The following KSR1 variants were observed in gnomAD, a reference collection of about 807,000 sequenced individuals.
KSR1 encodes the protein kinase suppressor of ras 1, also known as kinase suppressor of ras.
A neutral mutation model predicts 92.9 loss-of-function variants in KSR1; 35 were observed. The ratio of observed to expected loss-of-function variants is 0.38; its 90% CI spans 0.29 to 0.50. KSR1 has a LOEUF of 0.50. KSR1 is among the 20% of genes least tolerant of loss of function. KSR1 has a pLI of 0.94. For synonymous variants in KSR1, 467 were observed against 472.6 expected, an observed-to-expected ratio of 0.99 and a Z score of 0.15; for missense variants, 972 against 1,158.5, an observed-to-expected ratio of 0.84 and a Z score of 2.34.
intron 5 of KSR1, among the ~76,000 whole-genome samples, chr17:27,586,558 C>T (rs1001561091): frequency 5.9e-5 from 9 of 152,142 alleles, no homozygotes; most frequent in African/African-American, 2.2e-4. Context: ...AGTGCCCGGG[C>T]AGAAACTCCC....
chr17:27,553,519 G>A (rs569914076), intron 2 of KSR1, among the ~76,000 whole-genome samples: 1 of 152,218 alleles, frequency 6.6e-6, no homozygotes, highest in African/African-American at 2.4e-5. Flanking sequence ...TCACCAGCAG[G>A]GCCAGGAGGA....
chr17:27,564,102 TCTCAGCCTC>T (rs1242312474), intron 2 of KSR1, among the ~76,000 whole-genome samples: 1 of 150,534 alleles, frequency 6.6e-6, no homozygotes, highest in East Asian at 2.0e-4. Flanking sequence ...TATTCTCCTG[TCTCAGCCTC>T]CCAAGTAGCT....
intron 7 of KSR1, 69 bp from the exon 8 acceptor site, chr17:27,592,292 A>C: frequency 2.9e-5 from 37 of 1,257,854 alleles, no homozygotes; most frequent in Non-Finnish European, 3.7e-5. Context: ...AATGCTACAC[A>C]GAGCTACCCC....
intron 1 of KSR1, among the ~76,000 whole-genome samples, chr17:27,504,104 G>A (rs1032627314): frequency 6.6e-6 from 1 of 152,196 alleles, no homozygotes; most frequent in Non-Finnish European, 1.5e-5. Flanking sequence ...TTGGCCCCGT[G>A]GGAAGTATAG....
intron 1 of KSR1, among the ~76,000 whole-genome samples, chr17:27,479,254 C>G (rs1391428625): frequency 6.6e-6 from 1 of 151,692 alleles, no homozygotes; most frequent in Non-Finnish European, 1.5e-5. Flanking sequence ...CTGTGCTCCT[C>G]TCTCCCTCCA....
chr17:27,557,894 T>A (rs1377625154), intron 2 of KSR1, among the ~76,000 whole-genome samples: 1 of 152,208 alleles, frequency 6.6e-6, no homozygotes, highest in African/African-American at 2.4e-5. Flanking sequence ...CTGGCTCCTA[T>A]GTAATGTTTG....
intron 18 of KSR1, among the ~76,000 whole-genome samples, chr17:27,614,916 A>G (rs368263495): frequency 3.9e-5 from 6 of 152,186 alleles, no homozygotes; most frequent in African/African-American, 1.4e-4. Context: ...CAATAAAATT[A>G]TTTTCTGTCA....
chr17:27,620,876 C>T (rs1050222089), intron 19 of KSR1, among the ~76,000 whole-genome samples: 6 of 152,208 alleles, frequency 3.9e-5, no homozygotes, highest in Admixed American at 1.3e-4. Context: ...AACTGAGTCA[C>T]AGATGGGGCT....
Position 27,605,768 on chromosome 17 carries a change from TC to T in KSR1, c.1950del (p.Phe650LeufsTer6), listed in dbSNP as rs1377284732. ...RQTRHENVVL[F>X]MGACMNPPHL... ...ACGCGGCATGAGAACGTGGTGCTCT[TC>T]ATGGGGGCCTGCATGAACCCGCCCC... On this transcript the variant is annotated frameshift_variant, in exon 14 of 21. Coordinates refer to ENST00000644974, the MANE Select transcript of KSR1 (RefSeq NM_001394583.1). LOFTEE classifies it high-confidence loss of function. 1 of 1,612,612 alleles carries T rather than the reference TC, an allele frequency of 6.2e-7. No individual in the cohort carries two copies. The highest frequency in any genetic ancestry group is 1.3e-5 in the African/African-American group (1 of 74,922).
intron 1 of KSR1, among the ~76,000 whole-genome samples, chr17:27,502,536 T>C (rs925673264): frequency 9.2e-5 from 14 of 152,208 alleles, no homozygotes; most frequent in Admixed American, 1.3e-4. Context: ...TAGCCCTTGG[T>C]GAAAAGGCAG....
In KSR1 at chr17:27,597,403, C is replaced by G. The variant is rs760722438; in HGVS notation, c.1435C>G (p.Pro479Ala). The G allele has an allele frequency of 1.2e-5, 20 of 1,612,020 alleles. No individual in the cohort carries two copies. The East Asian group carries it at 3.8e-4, about 31-fold the overall frequency. Residue 479 changes from proline (P) to alanine (A), a missense_variant, in exon 10 of 21, where the codon CCT becomes GCT. Around this residue, in one of 5 missense-constraint regions of KSR1, gnomAD observed 611 missense variants for 668.0 expected, o/e 0.91. Transcript: ENST00000644974. The part of the protein sequence containing the change: ...SSATTPPNPS[P>A]GQRDSRFNFP... ...CGCCACCACGCCCCCCAACCCCTCA[C>G]CTGGCCAGCGGGACAGCAGGTTCAA...
At chr17:27,621,958 A>G in intron 20 of KSR1, 1 of 1,612,668 alleles carries the variant, frequency 6.2e-7, no homozygotes, top group Non-Finnish European at 8.5e-7. Context: ...TGCATGCACC[A>G]GGGGCTTTCT....
intron 13 of KSR1, 73 bp downstream of exon 13, chr17:27,604,801 G>A: frequency 3.4e-6 from 5 of 1,486,356 alleles, no homozygotes; most frequent in Non-Finnish European, 4.7e-6. Context: ...AATGCGCAGG[G>A]GGCTTGAGGG....
At chr17:27,497,683 G>A (rs987037940) in intron 1 of KSR1, among the ~76,000 whole-genome samples, 1 of 152,210 alleles carries the variant, frequency 6.6e-6, no homozygotes, top group African/African-American at 2.4e-5. Flanking sequence ...CAATGAGATA[G>A]TTTCTTTTTT....
At chr17:27,522,312 T>C (rs940015) in intron 1 of KSR1, among the ~76,000 whole-genome samples, 142,237 of 152,274 alleles carry the variant, frequency 0.93, 66,541 homozygotes, top group East Asian at 1. Flanking sequence ...ACTGGCTTAC[T>C]TGAAACTAAA....
In KSR1 at chr17:27,603,880, C is replaced by T. The variant is rs377669034; in HGVS notation, c.1557C>T (p.Asp519=). Residue 519 remains aspartate, a synonymous_variant, in exon 12 of 21, where the codon GAC becomes GAT. Transcript: ENST00000644974. ...CAGCCCCGCTCCCTGAAGCTGCCGA[C>T]GGTACCCGGTAGGCATCCCTAGGTG... ...AHAAPLPEAA[D]GTRLDDQPKA... The T allele has an allele frequency of 6.8e-6, 11 of 1,613,816 alleles. No individual in the cohort carries two copies. Among genetic ancestry groups the T allele is most frequent in the Admixed American group, 5.0e-5 (3 of 59,992 alleles).
chr17:27,607,861 G>C, intron 14 of KSR1, 53 bp from the exon 15 acceptor site: 1 of 1,364,618 alleles, frequency 7.3e-7, no homozygotes, highest in Non-Finnish European at 1.0e-6. Context: ...CCAGGGTTGG[G>C]GTCAGGCCGC....
intron 2 of KSR1, among the ~76,000 whole-genome samples, chr17:27,555,218 A>AT (rs2071545042): frequency 6.6e-6 from 1 of 151,954 alleles, no homozygotes; most frequent in South Asian, 2.1e-4. Context: ...CTCCCTTAGG[A>AT]TTGGGGGGTA....
intron 1 of KSR1, among the ~76,000 whole-genome samples, chr17:27,527,520 C>T (rs573371675): frequency 2.6e-5 from 4 of 152,016 alleles, no homozygotes; most frequent in South Asian, 4.2e-4. Context: ...CTCAGCCTCC[C>T]GAGTAGCTGG....
Sources: allele counts gnomAD v4.1 joint callset (sites outside exome capture counted in the v4.1 genomes callset), GRCh38; gene constraint gnomAD v4.1.1; regional missense constraint gnomAD v4.1.1; transcripts MANE v1.5; gene names NCBI Gene and HGNC (gene_info 2026-07-23, HGNC 2026-07-21).